ATRNL1: variants seen among roughly 807,000 people sequenced by gnomAD.
The protein encoded by ATRNL1 is attractin-like protein 1.
In ATRNL1, 95 loss-of-function variants were observed where a neutral mutation model predicts 182.7. The observed-to-expected ratio is 0.52, with a 90% CI of 0.44 to 0.62. ATRNL1 has a LOEUF of 0.62. Ranked by LOEUF, ATRNL1 falls within the 20% of genes least tolerant of loss-of-function variation. The pLI is 0.00. For missense variants in ATRNL1, 1,471 were observed against 1,679.5 expected, an observed-to-expected ratio of 0.88 and a Z score of 2.17; for synonymous variants, 576 against 568.3, an observed-to-expected ratio of 1.01 and a Z score of -0.19.
chr10:115,165,494 G>T (rs769667395), intron 6 of ATRNL1, 64 bp from the exon 7 acceptor site: 5 of 864,530 alleles, frequency 5.8e-6, no homozygotes, highest in Non-Finnish European at 8.6e-6. Flanking sequence ...TAAAAAGCAC[G>T]TGAAAATTAA....
At chr10:115,709,133 C>T (rs1555053826) in intron 26 of ATRNL1, among the ~76,000 whole-genome samples, 1 of 151,680 alleles carries the variant, frequency 6.6e-6, no homozygotes, top group African/African-American at 2.4e-5. Context: ...ATGTTCAGGT[C>T]TATTTTAATA....
chr10:115,438,246 C>G (rs1215640873), intron 21 of ATRNL1, among the ~76,000 whole-genome samples: 1 of 151,946 alleles, frequency 6.6e-6, no homozygotes, highest in East Asian at 1.9e-4. Context: ...TCCTAACATG[C>G]CTGCCATCTT....
chr10:115,759,524 T>C (rs540737529), intron 27 of ATRNL1, among the ~76,000 whole-genome samples: 1 of 151,872 alleles, frequency 6.6e-6, no homozygotes, highest in East Asian at 1.9e-4. Context: ...AACGAATGAG[T>C]GAGGAAAAAG....
chr10:115,803,454 A>G (rs1421475175), intron 27 of ATRNL1, among the ~76,000 whole-genome samples: 1 of 152,130 alleles, frequency 6.6e-6, no homozygotes, highest in Non-Finnish European at 1.5e-5. Context: ...GACCTTGCAG[A>G]TAAACATCAC....
chr10:115,880,903 C>T (rs1386228330), intron 28 of ATRNL1, among the ~76,000 whole-genome samples: 3 of 152,112 alleles, frequency 2.0e-5, no homozygotes, highest in Non-Finnish European at 2.9e-5. Context: ...GTTGTTTTCC[C>T]CTTGAGAAAC....
chr10:115,583,931 A>G (rs112608688), intron 26 of ATRNL1, among the ~76,000 whole-genome samples: 1 of 151,926 alleles, frequency 6.6e-6, no homozygotes, highest in Non-Finnish European at 1.5e-5. Flanking sequence ...TCCCATCAAT[A>G]CCTAATTTAT....
At chr10:115,125,249 C>T (rs2143664841) in intron 3 of ATRNL1, among the ~76,000 whole-genome samples, 1 of 152,212 alleles carries the variant, frequency 6.6e-6, no homozygotes, top group South Asian at 2.1e-4. Context: ...CTCAAAATAA[C>T]CTTTAGGTAG....
At chr10:115,814,539 G>C (rs1565402450) in intron 27 of ATRNL1, among the ~76,000 whole-genome samples, 1 of 152,126 alleles carries the variant, frequency 6.6e-6, no homozygotes, top group Non-Finnish European at 1.5e-5. Flanking sequence ...ATGTGATAGT[G>C]AGTTACCAGT....
intron 25 of ATRNL1, among the ~76,000 whole-genome samples, chr10:115,536,781 C>T (rs782094800): frequency 6.6e-6 from 1 of 152,100 alleles, no homozygotes; most frequent in African/African-American, 2.4e-5. Context: ...GACATTTAAT[C>T]ATGTTGTACA....
At chr10:115,187,754 T>C (rs908368256) in intron 8 of ATRNL1, among the ~76,000 whole-genome samples, 1 of 146,368 alleles carries the variant, frequency 6.8e-6, no homozygotes, top group East Asian at 2.1e-4. Context: ...TGATCTCGGC[T>C]CACTGCAACC....
rs369216402 is a variant in ATRNL1 at position 115,883,066 on chromosome 10, A to G, written c.4018+35075A>G. Among the ~76,000 whole-genome samples the G allele has an allele frequency of 3.3e-5, 5 of 152,170 alleles. No homozygotes were observed. The East Asian group carries it at 9.6e-4, about 29-fold the overall frequency. ...GCTATCCAAGCTGCGACCTCTTGAT[A>G]ATCCCAAACTCCTGTTCTCTAAGGC... On this transcript the variant is annotated intron_variant, in intron 28 of 28. Coordinates refer to ENST00000355044, the MANE Select transcript of ATRNL1 (RefSeq NM_207303.4).
chr10:115,814,579 G>A (rs957426768), intron 27 of ATRNL1, among the ~76,000 whole-genome samples: 4 of 152,138 alleles, frequency 2.6e-5, no homozygotes, highest in East Asian at 1.9e-4. Context: ...TAAAATGAGC[G>A]ATTGCTCACT....
intron 28 of ATRNL1, among the ~76,000 whole-genome samples, chr10:115,923,618 T>G (rs1319794343): frequency 2.0e-5 from 3 of 152,218 alleles, no homozygotes; most frequent in Admixed American, 2.0e-4. Flanking sequence ...TATTCCATGG[T>G]GTATATGTAC....
At chr10:115,478,314 C>T (rs187173635) in intron 24 of ATRNL1, among the ~76,000 whole-genome samples, 5 of 151,780 alleles carry the variant, frequency 3.3e-5, no homozygotes, top group Admixed American at 2.6e-4. Flanking sequence ...GTTGAGCTGC[C>T]GTCTCATCTG....
intron 19 of ATRNL1, among the ~76,000 whole-genome samples, chr10:115,359,793 T>C (rs116043834): frequency 0.013 from 1,958 of 151,708 alleles, 37 homozygotes; most frequent in African/African-American, 0.044. Flanking sequence ...AGCTTAACTA[T>C]CTTACATTTT....
intron 19 of ATRNL1, among the ~76,000 whole-genome samples, chr10:115,347,168 G>C (rs1230284962): frequency 6.6e-6 from 1 of 152,052 alleles, no homozygotes; most frequent in East Asian, 1.9e-4. Context: ...TGATACATTT[G>C]ACAAGCCAAA....
chr10:115,282,027 C>A (rs1273141188), intron 14 of ATRNL1, among the ~76,000 whole-genome samples: 1 of 144,074 alleles, frequency 6.9e-6, no homozygotes, highest in Non-Finnish European at 1.5e-5. Context: ...AATATATTAA[C>A]AATAAATACA....
chr10:115,561,646 C>G (rs1056284182), intron 26 of ATRNL1, among the ~76,000 whole-genome samples: 1 of 147,896 alleles, frequency 6.8e-6, no homozygotes, highest in Non-Finnish European at 1.5e-5. Context: ...GAACCAATCT[C>G]CTGCAGATAC....
At chr10:115,630,654 A>C (rs1555025997) in intron 26 of ATRNL1, among the ~76,000 whole-genome samples, 1 of 149,116 alleles carries the variant, frequency 6.7e-6, no homozygotes, top group East Asian at 1.9e-4. Context: ...GTATATTTAA[A>C]TATTTAAATA....
Sources: allele counts gnomAD v4.1 joint callset (sites outside exome capture counted in the v4.1 genomes callset), GRCh38; gene constraint gnomAD v4.1.1; transcripts MANE v1.5; gene names NCBI Gene and HGNC (gene_info 2026-07-23, HGNC 2026-07-21).